Variants in GPR158 observed in about 807,000 individuals in gnomAD.
The protein encoded by GPR158 is metabotropic glycine receptor.
Under a neutral mutation model 78.2 loss-of-function variants are expected in GPR158, and 30 were observed. The observed-to-expected ratio is 0.38, with a 90% CI of 0.29 to 0.52. GPR158 has a LOEUF of 0.52. Among genes scored for constraint, GPR158 ranks in the 20% least tolerant of loss-of-function variants. GPR158 has a pLI of 0.83. For synonymous variants in GPR158, 581 were observed against 591.1 expected, an observed-to-expected ratio of 0.98 and a Z score of 0.25; for missense variants, 1,463 against 1,523.5, an observed-to-expected ratio of 0.96 and a Z score of 0.66.
At chr10:25,216,161 G>A (rs918391573) in intron 1 of GPR158, among the ~76,000 whole-genome samples, 14 of 152,144 alleles carry the variant, frequency 9.2e-5, no homozygotes, top group East Asian at 7.7e-4. Context: ...GCAGCAGTCC[G>A]TTTCCAGGCA....
chr10:25,330,644 TC>T (rs1327441860), intron 2 of GPR158, among the ~76,000 whole-genome samples: 1 of 152,234 alleles, frequency 6.6e-6, no homozygotes, highest in African/African-American at 2.4e-5. Flanking sequence ...TATACTTTCT[TC>T]TACCCTTCAT....
intron 5 of GPR158, among the ~76,000 whole-genome samples, chr10:25,483,668 A>G (rs1835693997): frequency 6.6e-6 from 1 of 152,190 alleles, no homozygotes; most frequent in African/African-American, 2.4e-5. Flanking sequence ...AACAGTGCCT[A>G]ATACATACTG....
chr10:25,402,615 A>G (rs1265673376), intron 3 of GPR158, among the ~76,000 whole-genome samples: 4 of 152,046 alleles, frequency 2.6e-5, no homozygotes, highest in Admixed American at 2.0e-4. Context: ...AAATTTATAA[A>G]CATCTATCAA....
At chr10:25,230,017 T>G (rs1853427953) in intron 2 of GPR158, among the ~76,000 whole-genome samples, 1 of 152,178 alleles carries the variant, frequency 6.6e-6, no homozygotes, top group African/African-American at 2.4e-5. Flanking sequence ...TTATAGGGCT[T>G]TATGTGGGGC....
chr10:25,325,517 A>G (rs1036410412), intron 2 of GPR158, among the ~76,000 whole-genome samples: 2 of 152,060 alleles, frequency 1.3e-5, no homozygotes, highest in African/African-American at 4.8e-5. Context: ...CCATTCATCT[A>G]TCCATGGATA....
At chr10:25,590,293 C>G (rs1346009739) in intron 8 of GPR158, among the ~76,000 whole-genome samples, 1 of 151,982 alleles carries the variant, frequency 6.6e-6, no homozygotes, top group Admixed American at 6.6e-5. Context: ...ATCAAGAGGC[C>G]AGGAATCTAG....
intron 2 of GPR158, among the ~76,000 whole-genome samples, chr10:25,238,673 T>A (rs1853562616): frequency 6.6e-6 from 1 of 152,184 alleles, no homozygotes; most frequent in South Asian, 2.1e-4. Flanking sequence ...TAAAATGGTA[T>A]GTAGGACTTA....
chr10:25,362,581 A>T (rs1407891911), intron 2 of GPR158, among the ~76,000 whole-genome samples: 1 of 151,910 alleles, frequency 6.6e-6, no homozygotes, highest in Non-Finnish European at 1.5e-5. Flanking sequence ...ATCCATGAAC[A>T]TGGGATGGTT....
chr10:25,379,068 G>A (rs1834121268), intron 2 of GPR158, among the ~76,000 whole-genome samples: 1 of 152,062 alleles, frequency 6.6e-6, no homozygotes, highest in Non-Finnish European at 1.5e-5. Context: ...TGGGATTACA[G>A]GCATGAGCCA....
chr10:25,268,877 C>G (rs567324372), intron 2 of GPR158, among the ~76,000 whole-genome samples: 2 of 152,274 alleles, frequency 1.3e-5, no homozygotes, highest in Non-Finnish European at 2.9e-5. Context: ...TAGGAGCATC[C>G]TAAGTATTTC....
intron 1 of GPR158, among the ~76,000 whole-genome samples, chr10:25,184,805 C>T (rs1054808631): frequency 3.9e-5 from 6 of 152,258 alleles, no homozygotes; most frequent in African/African-American, 1.2e-4. Context: ...CAGTTTAGAC[C>T]GATGAGATTT....
chr10:25,452,894 C>T (rs937724346), intron 4 of GPR158, among the ~76,000 whole-genome samples: 4 of 152,138 alleles, frequency 2.6e-5, no homozygotes, highest in African/African-American at 9.7e-5. Context: ...TTCCCCTGCC[C>T]TCTAGCCCCT....
At chr10:25,581,195 T>G (rs1184597701) in intron 7 of GPR158, among the ~76,000 whole-genome samples, 1 of 152,156 alleles carries the variant, frequency 6.6e-6, no homozygotes, top group Non-Finnish European at 1.5e-5. Context: ...CCCAAAGTGC[T>G]GGGATTACAG....
intron 2 of GPR158, among the ~76,000 whole-genome samples, chr10:25,357,150 A>G (rs528203096): frequency 2.0e-5 from 3 of 152,248 alleles, no homozygotes. Flanking sequence ...GATTTAGGGT[A>G]TCTGGCAGAA....
At chr10:25,459,058 G>A (rs1835325071) in intron 4 of GPR158, among the ~76,000 whole-genome samples, 1 of 152,038 alleles carries the variant, frequency 6.6e-6, no homozygotes, top group Non-Finnish European at 1.5e-5. Flanking sequence ...TTCCATTTAT[G>A]TAATTGTTAA....
chr10:25,219,457 G>A (rs2130680727), intron 1 of GPR158, among the ~76,000 whole-genome samples: 1 of 152,272 alleles, frequency 6.6e-6, no homozygotes, highest in African/African-American at 2.4e-5. Flanking sequence ...GCCCACAACA[G>A]TAATATTTTG....
chr10:25,530,608 A>T (rs1836410927), intron 5 of GPR158, among the ~76,000 whole-genome samples: 1 of 152,226 alleles, frequency 6.6e-6, no homozygotes, highest in African/African-American at 2.4e-5. Context: ...TAAAACAAAC[A>T]AAGCTGATCC....
intron 2 of GPR158, among the ~76,000 whole-genome samples, chr10:25,342,048 A>G (rs1410476589): frequency 6.6e-6 from 1 of 151,922 alleles, no homozygotes; most frequent in Non-Finnish European, 1.5e-5. Context: ...CAAATATACT[A>G]TACCTTCATA....
At chr10:25,205,187 A>C (rs2130660859) in intron 1 of GPR158, among the ~76,000 whole-genome samples, 1 of 151,904 alleles carries the variant, frequency 6.6e-6, no homozygotes, top group Non-Finnish European at 1.5e-5. Flanking sequence ...TAAATTACCA[A>C]GTTTCAGGTA....
Sources: gnomAD v4.1 joint callset for allele counts (sites outside exome capture counted in the v4.1 genomes callset) on GRCh38, gnomAD v4.1.1 for gene constraint, MANE v1.5 for transcripts, NCBI Gene and HGNC (gene_info 2026-07-23, HGNC 2026-07-21) for gene names.